The following PXDNL variants were observed in gnomAD, a reference collection of about 807,000 sequenced individuals.
PXDNL encodes the protein peroxidasin like, also known as probable oxidoreductase PXDNL.
A neutral mutation model predicts 150.8 loss-of-function variants in PXDNL; 145 were observed. That is an observed-to-expected ratio of 0.96 (90% CI 0.84 to 1.10). The LOEUF is 1.10. Ranked by LOEUF, PXDNL falls within the 50% of genes least tolerant of loss-of-function variation. PXDNL has a pLI of 0.00. For synonymous variants in PXDNL, 757 were observed against 725.7 expected (o/e 1.04, Z -0.69); for missense variants, 2,087 against 1,873.9 (o/e 1.11, Z -2.10).
At chr8:51,668,104 G>T (rs760473038) in intron 1 of PXDNL, among the ~76,000 whole-genome samples, 3 of 150,970 alleles carry the variant, frequency 2.0e-5, no homozygotes, top group Non-Finnish European at 4.4e-5. Context: ...GACCAGCTGG[G>T]TATTTTGATG....
At chr8:51,400,973 T>C (rs750281371) in intron 17 of PXDNL, among the ~76,000 whole-genome samples, 7 of 152,172 alleles carry the variant, frequency 4.6e-5, no homozygotes, top group Non-Finnish European at 8.8e-5. Flanking sequence ...AAAATGAGTC[T>C]CACCCAAGCA....
At chr8:51,477,205 T>G (rs1296897749) in intron 6 of PXDNL, among the ~76,000 whole-genome samples, 2 of 152,230 alleles carry the variant, frequency 1.3e-5, no homozygotes, top group Non-Finnish European at 2.9e-5. Context: ...AGACTAATTT[T>G]TATAACTGTA....
At chr8:51,787,995 G>A (rs994258839) in intron 1 of PXDNL, among the ~76,000 whole-genome samples, 9 of 152,304 alleles carry the variant, frequency 5.9e-5, no homozygotes, top group South Asian at 2.1e-4. Context: ...ACAACTTGGC[G>A]AAGGCTCCAA....
chr8:51,725,785 G>T (rs1246990953), intron 1 of PXDNL, among the ~76,000 whole-genome samples: 2 of 152,214 alleles, frequency 1.3e-5, no homozygotes, highest in African/African-American at 4.8e-5. Flanking sequence ...TTTGCGTTCT[G>T]CAAGGACAGA....
At chr8:51,335,066 T>A (rs567879616) in intron 21 of PXDNL, among the ~76,000 whole-genome samples, 2 of 152,238 alleles carry the variant, frequency 1.3e-5, no homozygotes, top group African/African-American at 4.8e-5. Flanking sequence ...CTACATTTAC[T>A]TGTTTAATGA....
At chr8:51,576,635 C>T (rs1813061438) in intron 3 of PXDNL, among the ~76,000 whole-genome samples, 1 of 151,492 alleles carries the variant, frequency 6.6e-6, no homozygotes, top group Non-Finnish European at 1.5e-5. Context: ...GCAAAATGAA[C>T]TCAAAGCAAG....
In PXDNL at chr8:51,555,518, A is replaced by C. The variant is rs145167402; in HGVS notation, c.380+1322T>G. ...GATTGGTTGACTGTGTTTTAATACTATAACCTAACAGTTCAGCCTTCTATG... is the reference window on the plus strand; with the variant it reads ...GATTGGTTGACTGTGTTTTAATACTCTAACCTAACAGTTCAGCCTTCTATG... On this transcript the variant is annotated intron_variant, in intron 4 of 22. Transcript: ENST00000356297. Among the ~76,000 whole-genome samples, 222 of 152,340 alleles carry C rather than the reference A, an allele frequency of 1.5e-3. 1 individual carries two copies. The highest frequency in any genetic ancestry group is 5.1e-3 in the African/African-American group (210 of 41,584).
intron 4 of PXDNL, among the ~76,000 whole-genome samples, chr8:51,525,464 C>T (rs1169417573): frequency 6.6e-6 from 1 of 152,186 alleles, no homozygotes; most frequent in East Asian, 1.9e-4. Flanking sequence ...TCTGTAATCA[C>T]ACACATTCAG....
chr8:51,754,484 A>T (rs1367637320), intron 1 of PXDNL, among the ~76,000 whole-genome samples: 1 of 150,266 alleles, frequency 6.7e-6, no homozygotes, highest in Non-Finnish European at 1.5e-5. Flanking sequence ...GAGCTAGTTC[A>T]TCCAGGCCTT....
At chr8:51,536,003 G>A (rs1161450986) in intron 4 of PXDNL, among the ~76,000 whole-genome samples, 1 of 152,148 alleles carries the variant, frequency 6.6e-6, no homozygotes, top group Non-Finnish European at 1.5e-5. Flanking sequence ...TTGGGGGATG[G>A]AACAAGTGAT....
chr8:51,408,806 G>C lies in PXDNL; in HGVS notation c.2818C>G (p.Pro940Ala). Residue 940 changes from proline to alanine, a missense_variant, in exon 17 of 23, where the codon CCA (proline) becomes GCA (alanine). Pro to Ala is a conservative substitution (Grantham distance 27). Coordinates refer to ENST00000356297, the MANE Select transcript of PXDNL (RefSeq NM_144651.5). ...TCCTGTCGCGCGCACTCGGTGGGTG[G>C]GCCTGTAGAAAAGGGCAATAAGGGC... ...GKPLLPFSTG[P>A]PTECARQEQE... The C allele has an allele frequency of 8.9e-6, 14 of 1,569,922 alleles. No homozygotes were observed. The highest frequency in any genetic ancestry group is 1.2e-5 in the Non-Finnish European group (14 of 1,158,902).
rs2037198912 is a variant in PXDNL at position 51,764,166 on chromosome 8, C to G, written c.164+45015G>C. 1.3e-5 allele frequency among the ~76,000 whole-genome samples: 2 copies of G among 152,008 alleles called. 1 individual carries two copies. The highest frequency in any genetic ancestry group is 4.1e-4 in the South Asian group (2 of 4,822). On this transcript the variant is annotated intron_variant, in intron 1 of 22. Coordinates refer to ENST00000356297, the MANE Select transcript of PXDNL (RefSeq NM_144651.5). ...TAATGTCCTCTCTTTATTCCTGACT[C>G]TAGTAATTTGTAGTAATTTGAGTCT...
In PXDNL at chr8:51,447,127, G is replaced by C; in HGVS notation, c.1402C>G (p.Leu468Val). Reference sequence around the variant, plus strand: ...TCAATTCTCAAAGTGCCAGAGGAGAGAACTGTATGCTGGCCTTCCACAGGG... The same window carrying C: ...TCAATTCTCAAAGTGCCAGAGGAGACAACTGTATGCTGGCCTTCCACAGGG... ...QLPVEGQHTV[L>V]SSGTLRIDRA... The change falls in exon 12 of 23, where the codon CTC becomes GTC. Residue 468 changes from leucine to valine, a missense_variant. Leu to Val is a conservative substitution (Grantham distance 32). Transcript: ENST00000356297. 6.2e-7 allele frequency: 1 copy of C among 1,613,952 alleles called. No homozygotes were observed. Among genetic ancestry groups the C allele is most frequent in the Admixed American group, 1.7e-5 (1 of 60,022 alleles).
chr8:51,524,301 T>C (rs925741518), intron 4 of PXDNL, among the ~76,000 whole-genome samples: 1 of 152,154 alleles, frequency 6.6e-6, no homozygotes, highest in African/African-American at 2.4e-5. Context: ...ATACAATAAA[T>C]AGTAGATCTT....
Position 51,761,594 on chromosome 8 carries a change from C to A in PXDNL, c.164+47587G>T, listed in dbSNP as rs549147342. Among the ~76,000 whole-genome samples the A allele has an allele frequency of 4.6e-5, 7 of 152,232 alleles. No individual in the cohort carries two copies. In the East Asian group the frequency reaches 1.2e-3, roughly 25 times the overall value. ...TACAACAAAAAGCTAAGATTTAAAG[C>A]TCTTAATAGATTTGCTCATGTCAGA... On this transcript the variant is annotated intron_variant, in intron 1 of 22. Coordinates refer to ENST00000356297, the MANE Select transcript of PXDNL (RefSeq NM_144651.5).
chr8:51,552,164 T>TA (rs1812502043), intron 4 of PXDNL, among the ~76,000 whole-genome samples: 1 of 152,048 alleles, frequency 6.6e-6, no homozygotes, highest in South Asian at 2.1e-4. Flanking sequence ...ATAATGTAAT[T>TA]AAAAAACCAA....
At chr8:51,492,085 A>C (rs1222509769) in intron 5 of PXDNL, among the ~76,000 whole-genome samples, 1 of 152,264 alleles carries the variant, frequency 6.6e-6, no homozygotes, top group Non-Finnish European at 1.5e-5. Context: ...CAGTAACTGC[A>C]TAAGAAAGTG....
At chr8:51,341,082 A>G (rs1805972378) in intron 20 of PXDNL, among the ~76,000 whole-genome samples, 1 of 152,228 alleles carries the variant, frequency 6.6e-6, no homozygotes. Context: ...ATGTGTGGGT[A>G]TGGGCCATGC....
At chr8:51,607,986 AGAGAGAGGAAGGAAGG>A (rs1813880442) in intron 2 of PXDNL, among the ~76,000 whole-genome samples, 1 of 126,280 alleles carries the variant, frequency 7.9e-6, no homozygotes, top group Non-Finnish European at 1.6e-5. Flanking sequence ...AGGAAGGAAG[AGAGAGAGGAAGGAAGG>A]AAGAAAGAAA....
Sources: gnomAD v4.1 joint callset for allele counts (sites outside exome capture counted in the v4.1 genomes callset) on GRCh38, gnomAD v4.1.1 for gene constraint, MANE v1.5 for transcripts, NCBI Gene and HGNC (gene_info 2026-07-23, HGNC 2026-07-21) for gene names.